The following SPPL3 variants were observed in gnomAD, a reference collection of about 807,000 sequenced individuals.
The protein encoded by SPPL3 is signal peptide peptidase-like 3.
In SPPL3, 5 loss-of-function variants were observed where a neutral mutation model predicts 42.4. The ratio of observed to expected loss-of-function variants is 0.12; its 90% CI spans 0.06 to 0.25. SPPL3 has a LOEUF of 0.25. Ranked by LOEUF, SPPL3 falls within the 10% of genes least tolerant of loss-of-function variation. The pLI is 1.00. For missense variants in SPPL3, 235 were observed against 489.0 expected (o/e 0.48, Z 4.90); for synonymous variants, 195 against 181.8 (o/e 1.07, Z -0.58).
Position 120,791,521 on chromosome 12 carries a change from C to T in SPPL3, c.138G>A (p.Glu46=). The change falls in exon 3 of 11, where the codon GAG becomes GAA. Residue 46 remains glutamate, a synonymous_variant. Coordinates refer to ENST00000353487, the MANE Select transcript of SPPL3 (RefSeq NM_139015.5). ...ACCCAGAAGAACTATTACTGTCTTT[C>T]TCCTTATCTTGATTTTCAAAGTCCA... ...LNMDFENQDK[E]KDSNSSSGSF... 6.2e-7 allele frequency: 1 copy of T among 1,605,996 alleles called. No homozygotes were observed. The highest frequency in any genetic ancestry group is 2.2e-5 in the East Asian group (1 of 44,716).
intron 2 of SPPL3, among the ~76,000 whole-genome samples, chr12:120,803,537 A>C (rs1870394967): frequency 6.6e-6 from 1 of 152,088 alleles, no homozygotes; most frequent in Non-Finnish European, 1.5e-5. Context: ...GGAGTGAAAA[A>C]ATGAAAAAAT....
chr12:120,890,148 C>T (rs913979315), intron 1 of SPPL3, among the ~76,000 whole-genome samples: 7 of 152,068 alleles, frequency 4.6e-5, no homozygotes, highest in African/African-American at 1.7e-4. Flanking sequence ...TTGGGGAAAG[C>T]TGAGGCAGGA....
At chr12:120,767,188 C>T (rs910380523) in intron 9 of SPPL3, among the ~76,000 whole-genome samples, 1 of 152,182 alleles carries the variant, frequency 6.6e-6, no homozygotes, top group East Asian at 1.9e-4. Flanking sequence ...TTTCCTACAA[C>T]GTTCTTCAGA....
In SPPL3 at chr12:120,877,257, A is replaced by G. The variant is rs187769442; in HGVS notation, c.23+26588T>C. 3.9e-5 allele frequency among the ~76,000 whole-genome samples: 6 copies of G among 152,312 alleles called. No homozygotes were observed. The East Asian group carries it at 1.2e-3, about 29-fold the overall frequency. On this transcript the variant is annotated intron_variant, in intron 1 of 10. Transcript: ENST00000353487. Reference sequence around the variant, plus strand: ...AAATCCTCCCACAAAGAAAACTCCAAGTCCAGATGACTTCACTAGTGATCT... The same window carrying G: ...AAATCCTCCCACAAAGAAAACTCCAGGTCCAGATGACTTCACTAGTGATCT...
chr12:120,903,601 C>T, intron 1 of SPPL3: 1 of 468,304 alleles, frequency 2.1e-6, no homozygotes, highest in South Asian at 2.9e-5. Flanking sequence ...CGCCCATAGC[C>T]AGATGACATC....
chr12:120,821,335 T>C (rs498255), intron 1 of SPPL3, among the ~76,000 whole-genome samples: 137,370 of 152,304 alleles, frequency 0.9, 62,798 homozygotes, highest in East Asian at 1. Flanking sequence ...CGCTTTTGAT[T>C]GTGACTTGCG....
chr12:120,897,600 G>A (rs1873849323), intron 1 of SPPL3, among the ~76,000 whole-genome samples: 1 of 152,162 alleles, frequency 6.6e-6, no homozygotes, highest in South Asian at 2.1e-4. Context: ...GCGGGTGCCT[G>A]TAGTCCCAGC....
intron 1 of SPPL3, among the ~76,000 whole-genome samples, chr12:120,815,819 T>C (rs936919633): frequency 2.6e-5 from 4 of 151,950 alleles, no homozygotes; most frequent in African/African-American, 9.7e-5. Flanking sequence ...CTCCGCCTCC[T>C]GGGTTCAAGC....
chr12:120,831,999 T>TA (rs1210932280), intron 1 of SPPL3, among the ~76,000 whole-genome samples: 2 of 152,178 alleles, frequency 1.3e-5, no homozygotes, highest in Non-Finnish European at 2.9e-5. Context: ...GTTCAAAATA[T>TA]AAAAAACCAG....
At chr12:120,766,163 C>T in intron 10 of SPPL3, 100 bp downstream of exon 10, 2 of 957,938 alleles carry the variant, frequency 2.1e-6, no homozygotes, top group East Asian at 2.8e-5. Context: ...CAAGCTCACT[C>T]AGGGGCTTAA....
intron 1 of SPPL3, among the ~76,000 whole-genome samples, chr12:120,883,046 T>G (rs1873342278): frequency 6.6e-6 from 1 of 152,072 alleles, no homozygotes; most frequent in Non-Finnish European, 1.5e-5. Context: ...GGCTCACAAC[T>G]GTAATCCCAG....
intron 1 of SPPL3, among the ~76,000 whole-genome samples, chr12:120,875,026 C>T (rs1018729333): frequency 6.6e-6 from 1 of 152,174 alleles, no homozygotes; most frequent in Non-Finnish European, 1.5e-5. Context: ...ACAGACTAAG[C>T]TAAGGTCTGA....
intron 1 of SPPL3, among the ~76,000 whole-genome samples, chr12:120,855,601 C>T (rs1255190010): frequency 6.6e-6 from 1 of 151,876 alleles, no homozygotes; most frequent in Non-Finnish European, 1.5e-5. Flanking sequence ...ACGGGAGAAT[C>T]GCTTGAACCC....
At chr12:120,805,806 T>C (rs1260713079) in intron 2 of SPPL3, among the ~76,000 whole-genome samples, 1 of 152,184 alleles carries the variant, frequency 6.6e-6, no homozygotes, top group Non-Finnish European at 1.5e-5. Context: ...AACAAAATAG[T>C]GCAAGCCTTG....
rs71453512 is a variant in SPPL3, at chr12:120,871,130, C to CAAAAAAAAAAAAAAAAAAAAA, written c.23+32714_23+32715insTTTTTTTTTTTTTTTTTTTTT. Among the ~76,000 whole-genome samples the CAAAAAAAAAAAAAAAAAAAAA allele has an allele frequency of 4.7e-3, 243 of 51,676 alleles. 26 individuals are homozygous for CAAAAAAAAAAAAAAAAAAAAA. Among genetic ancestry groups the CAAAAAAAAAAAAAAAAAAAAA allele is most frequent in the Non-Finnish European group, 6.9e-3 (189 of 27,548 alleles). The allele number at this position is 51,676 out of a possible 152,430, so 33.9% of individuals were successfully genotyped here. On this transcript the variant is annotated intron_variant, in intron 1 of 10. Transcript: ENST00000353487. The stretch of plus-strand genomic sequence containing the variant: ...GGGCGACAGAGTGAGACTCCGTCTC[C>CAAAAAAAAAAAAAAAAAAAAA]AAAAAAAAAAAAAAAAAAAGAAAAA...
intron 1 of SPPL3, among the ~76,000 whole-genome samples, chr12:120,887,547 C>G (rs923821040): frequency 1.3e-5 from 2 of 152,166 alleles, no homozygotes; most frequent in Admixed American, 6.5e-5. Flanking sequence ...AGGGAAGAAA[C>G]TAGTTTAACA....
At chr12:120,882,550 A>G (rs1873323429) in intron 1 of SPPL3, among the ~76,000 whole-genome samples, 1 of 152,140 alleles carries the variant, frequency 6.6e-6, no homozygotes, top group South Asian at 2.1e-4. Flanking sequence ...GGCAACTGGA[A>G]GATCAGGAAT....
intron 6 of SPPL3, 103 bp downstream of exon 6, chr12:120,782,552 A>G (rs891017490): frequency 7.6e-6 from 7 of 915,142 alleles, no homozygotes; most frequent in Admixed American, 5.2e-5. Flanking sequence ...AAAATGCTCT[A>G]AAAGTTTATT....
intron 2 of SPPL3, among the ~76,000 whole-genome samples, chr12:120,805,536 C>G (rs1870459446): frequency 6.6e-6 from 1 of 152,184 alleles, no homozygotes; most frequent in African/African-American, 2.4e-5. Context: ...GGGAAAAAGA[C>G]AAAGTCTTTC....
Sources: allele counts gnomAD v4.1 joint callset (sites outside exome capture counted in the v4.1 genomes callset), GRCh38; gene constraint gnomAD v4.1.1; transcripts MANE v1.5; gene names NCBI Gene and HGNC (gene_info 2026-07-23, HGNC 2026-07-21).